The following ATM variants were observed in gnomAD, a reference collection of about 807,000 sequenced individuals.
ATM encodes the protein ATM serine/threonine kinase, also known as serine-protein kinase ATM.
In ATM, 308 loss-of-function variants were observed where a neutral mutation model predicts 387.0. The observed-to-expected ratio is 0.80, with a 90% CI of 0.73 to 0.87. ATM has a LOEUF of 0.87. Ranked by LOEUF, ATM falls within the 40% of genes least tolerant of loss-of-function variation. ATM has a pLI of 0.00. For missense variants in ATM, 3,312 were observed against 3,560.9 expected (o/e 0.93, Z 1.78); for synonymous variants, 1,156 against 1,187.3 (o/e 0.97, Z 0.54).
intron 61 of ATM, among the ~76,000 whole-genome samples, chr11:108,356,926 C>G (rs2090011664): frequency 6.6e-6 from 1 of 152,132 alleles, no homozygotes; most frequent in Non-Finnish European, 1.5e-5. Flanking sequence ...TTAAACACAC[C>G]CTCCGGGAGG....
rs58978479 is a variant in ATM, at chr11:108,317,539, A to ATTT, written c.6347+29_6347+31dup. ...TCCGTCAGGTAAGAAATTTGACTTG[A>ATTT]TTTTTTTTTTTTTGCCTCTCTCCTC... On this transcript the variant is annotated intron_variant, in intron 43 of 62. Coordinates refer to ENST00000675843, the MANE Select transcript of ATM (RefSeq NM_000051.4). 2 of 1,318,224 alleles carry ATTT rather than the reference A, an allele frequency of 1.5e-6. No homozygotes were observed. The highest frequency in any genetic ancestry group is 1.0e-6 in the Non-Finnish European group (1 of 963,526). 81.7% of individuals were successfully genotyped at this position (1,318,224 alleles called of 1,614,324 possible). A position where few individuals can be genotyped will look rare whatever the true frequency, so the allele number is the denominator to read the frequency against.
In ATM at chr11:108,326,041, T is replaced by A. The variant is rs2136330155; in HGVS notation, c.6808-17T>A. ...AGTAGTAAAAGTATTTATTCCCATATGTCATTTTCATTTCAGCTCCCTGAA... is the reference window on the plus strand; with the variant it reads ...AGTAGTAAAAGTATTTATTCCCATAAGTCATTTTCATTTCAGCTCCCTGAA... On this transcript the variant is annotated splice_polypyrimidine_tract_variant and intron_variant, in intron 46 of 62. Coordinates refer to ENST00000675843, the MANE Select transcript of ATM (RefSeq NM_000051.4). 2 of 1,612,688 alleles carry A rather than the reference T, an allele frequency of 1.2e-6. No homozygotes were observed. The highest frequency in any genetic ancestry group is 8.5e-7 in the Non-Finnish European group (1 of 1,178,842).
In ATM at chr11:108,365,647, T is replaced by A; in HGVS notation, c.*139T>A. ...GGGTTTTTTTGAATGTTGGTTTTAA[T>A]ACTTGATTTAATCACCACTCAAAAA... On this transcript the variant is annotated 3_prime_UTR_variant, in exon 63 of 63. Coordinates refer to ENST00000675843, the MANE Select transcript of ATM (RefSeq NM_000051.4). 1 of 1,051,932 alleles carries A rather than the reference T, an allele frequency of 9.5e-7. No individual in the cohort carries two copies. Among genetic ancestry groups the A allele is most frequent in the Admixed American group, 2.5e-5 (1 of 40,200 alleles). The allele number at this position is 1,051,932 out of a possible 1,614,324, so 65.2% of individuals were successfully genotyped here.
At chr11:108,328,895 C>G (rs2085959888) in intron 48 of ATM, 126 bp from the exon 49 acceptor site, 2 of 1,071,176 alleles carry the variant, frequency 1.9e-6, no homozygotes, top group East Asian at 5.2e-5. Context: ...TGCAATAGTT[C>G]ATATAATTTA....
chr11:108,360,600 G>C (rs945502580), intron 61 of ATM, among the ~76,000 whole-genome samples: 2 of 149,210 alleles, frequency 1.3e-5, no homozygotes, highest in African/African-American at 5.0e-5. Context: ...TATCCACCAT[G>C]ATCCAGTGGG....
chr11:108,296,862 T>C (rs1288686625), intron 32 of ATM: 1 of 241,584 alleles, frequency 4.1e-6, no homozygotes, highest in East Asian at 1.0e-4. Context: ...GTAGTGATCA[T>C]TGGACAGTGT....
At position 108,335,073 on chromosome 11, in the gene ATM, A is replaced by G. The variant is rs1188411746; in HGVS notation, c.8115A>G (p.Val2705=). The G allele has an allele frequency of 6.2e-7, 1 of 1,614,140 alleles. No individual in the cohort carries two copies. The highest frequency in any genetic ancestry group is 8.5e-7 in the Non-Finnish European group (1 of 1,179,998). Residue 2705 remains valine, a synonymous_variant, in exon 55 of 63, where the codon GTA becomes GTG. Transcript: ENST00000675843. ...ATTTACCAAAAATAATAGATTGTGT[A>G]GGTTCCGATGGCAAGGAGAGGAGAC... The part of the protein sequence containing the change: ...GVNLPKIIDC[V]GSDGKERRQL...
At chr11:108,252,674 AT>A (rs904044112) in intron 11 of ATM, 142 bp from the exon 12 acceptor site, 4 of 645,236 alleles carry the variant, frequency 6.2e-6, no homozygotes, top group Non-Finnish European at 1.1e-5. Flanking sequence ...ATATTAAGAA[AT>A]TTAGTATAGA....
At chr11:108,344,482 G>GA (rs993019774) in intron 57 of ATM, among the ~76,000 whole-genome samples, 5 of 152,134 alleles carry the variant, frequency 3.3e-5, no homozygotes, top group African/African-American at 1.2e-4. Context: ...AAATGCAAAG[G>GA]AGTTTGCACC....
At position 108,252,825 on chromosome 11, in the gene ATM, C is replaced by G. The variant is rs1565387411; in HGVS notation, c.1811C>G (p.Pro604Arg). Residue 604 changes from proline (P) to arginine (R), a missense_variant, in exon 12 of 63, where the codon CCT (proline) becomes CGT (arginine). By Grantham distance (103) the Pro-to-Arg change is moderately radical (BLOSUM62 -2). Transcript: ENST00000675843. ...EVPPILHSNF[P>R]HLVLEKILVS... ...TTTGTTTTTCTTTGTAGTAATTTTCCTCATCTTGTACTGGAGAAAATTCTT... is the reference window on the plus strand; with the variant it reads ...TTTGTTTTTCTTTGTAGTAATTTTCGTCATCTTGTACTGGAGAAAATTCTT... The G allele has an allele frequency of 6.2e-7, 1 of 1,609,192 alleles. No homozygotes were observed. The highest frequency in any genetic ancestry group is 2.2e-5 in the East Asian group (1 of 44,704).
rs2136333537 is a variant in ATM at position 108,326,104 on chromosome 11, G to T, written c.6854G>T (p.Ser2285Ile). Residue 2285 changes from serine to isoleucine, a missense_variant, in exon 47 of 63, where the codon AGC (serine) becomes ATC (isoleucine). Physicochemically the swap from Ser to Ile is moderately radical, Grantham distance 142 (BLOSUM62 -2). Coordinates refer to ENST00000675843, the MANE Select transcript of ATM (RefSeq NM_000051.4). ...IFQIKQYNSV[S>I]CGVSEWQLEE... ...CAAATTAAACAGTACAATTCAGTTA[G>T]CTGTGGAGTCTCTGAGTGGCAGCTG... 1 of 1,614,100 alleles carries T rather than the reference G, an allele frequency of 6.2e-7. No individual in the cohort carries two copies.
chr11:108,263,729 G>A (rs980989768), intron 16 of ATM, among the ~76,000 whole-genome samples: 4 of 146,646 alleles, frequency 2.7e-5, no homozygotes, highest in African/African-American at 1.0e-4. Flanking sequence ...TTGATAGACC[G>A]CTAGCAAGAC....
intron 56 of ATM, among the ~76,000 whole-genome samples, chr11:108,337,456 A>G (rs1031388548): frequency 2.0e-5 from 3 of 152,274 alleles, no homozygotes; most frequent in Non-Finnish European, 2.9e-5. Context: ...TTTAGCAGAC[A>G]TCATAGTCAC....
chr11:108,288,948 G>T, intron 27 of ATM, 29 bp from the exon 28 acceptor site: 1 of 1,613,096 alleles, frequency 6.2e-7, no homozygotes, highest in South Asian at 1.1e-5. Flanking sequence ...TTAAAACGAT[G>T]ACTGTATTTT....
chr11:108,249,285 TTTGC>T (rs1250621790), intron 9 of ATM, among the ~76,000 whole-genome samples, 183 bp downstream of exon 9: 2 of 152,204 alleles, frequency 1.3e-5, no homozygotes, highest in African/African-American at 4.8e-5. Context: ...TAATGGCTCA[TTTGC>T]TTGGGCCAAG....
At chr11:108,325,673 A>G in intron 46 of ATM, 129 bp downstream of exon 46, 1 of 866,466 alleles carries the variant, frequency 1.2e-6, no homozygotes, top group Middle Eastern at 3.5e-4. Flanking sequence ...TAGTAAAAAT[A>G]ATTGTTTAAG....
intron 13 of ATM, among the ~76,000 whole-genome samples, chr11:108,254,507 G>C (rs938198358): frequency 2.0e-5 from 3 of 152,122 alleles, no homozygotes; most frequent in Non-Finnish European, 4.4e-5. Context: ...TCAAAATCAC[G>C]AGTTCTCTTC....
In ATM at chr11:108,301,573, T is replaced by G. The variant is rs1053687877; in HGVS notation, c.5178-75T>G. The G allele has an allele frequency of 1.3e-5, 20 of 1,583,076 alleles. No homozygotes were observed. In the African/African-American group the frequency reaches 2.3e-4, roughly 18 times the overall value. On this transcript the variant is annotated intron_variant, in intron 34 of 62. Coordinates refer to ENST00000675843, the MANE Select transcript of ATM (RefSeq NM_000051.4). Reference sequence around the variant, plus strand: ...AAATTTTAAATTTTAGTTTTGAAATTTTTTCAGTGGAGGTTAACATTCATC... The same window carrying G: ...AAATTTTAAATTTTAGTTTTGAAATGTTTTCAGTGGAGGTTAACATTCATC...
At chr11:108,312,288 G>C (rs540506269) in intron 39 of ATM, 123 bp from the exon 40 acceptor site, 1 of 730,640 alleles carries the variant, frequency 1.4e-6, no homozygotes, top group Non-Finnish European at 2.4e-6. Context: ...TAAAGTATAA[G>C]TGATTTATTC....
Sources: allele counts gnomAD v4.1 joint callset (sites outside exome capture counted in the v4.1 genomes callset), GRCh38; gene constraint gnomAD v4.1.1; transcripts MANE v1.5; gene names NCBI Gene and HGNC (gene_info 2026-07-23, HGNC 2026-07-21).